Variants in DPYD observed in about 807,000 individuals in gnomAD.
The protein encoded by DPYD is dihydropyrimidine dehydrogenase [NADP(+)].
In DPYD, 109 loss-of-function variants were observed where a neutral mutation model predicts 116.2. That is an observed-to-expected ratio of 0.94 (90% CI 0.80 to 1.10). DPYD has a LOEUF of 1.10. Ranked by LOEUF, DPYD falls within the 50% of genes least tolerant of loss-of-function variation. The pLI is 0.00. For missense variants in DPYD, 1,302 were observed against 1,254.5 expected (o/e 1.04, Z -0.57); for synonymous variants, 440 against 432.0 (o/e 1.02, Z -0.23).
chr1:97,388,613 C>G (rs1672494824), intron 14 of DPYD, among the ~76,000 whole-genome samples: 1 of 151,948 alleles, frequency 6.6e-6, no homozygotes, highest in Admixed American at 6.6e-5. Context: ...AAAAACCATT[C>G]GTAACCTTTA....
chr1:97,633,180 G>C (rs756492468), intron 8 of DPYD, among the ~76,000 whole-genome samples: 6 of 152,094 alleles, frequency 3.9e-5, no homozygotes, highest in African/African-American at 1.4e-4. Context: ...TTTGGGTCAA[G>C]ATAGGATATG....
intron 8 of DPYD, among the ~76,000 whole-genome samples, chr1:97,671,733 C>T (rs956329844): frequency 2.0e-5 from 3 of 151,838 alleles, no homozygotes; most frequent in African/African-American, 7.3e-5. Context: ...TAAAAACCAA[C>T]ACCAACTCTC....
At chr1:97,221,077 G>A (rs2101892261) in intron 19 of DPYD, among the ~76,000 whole-genome samples, 1 of 152,060 alleles carries the variant, frequency 6.6e-6, no homozygotes, top group Non-Finnish European at 1.5e-5. Flanking sequence ...AAATAATTTT[G>A]GAAACTGAAG....
intron 20 of DPYD, among the ~76,000 whole-genome samples, chr1:97,177,651 T>C (rs1214114246): frequency 1.3e-5 from 2 of 151,622 alleles, no homozygotes; most frequent in Non-Finnish European, 2.9e-5. Flanking sequence ...AAAGTATGTA[T>C]ATTGTCCAAG....
At chr1:97,727,960 C>A (rs907446220) in intron 4 of DPYD, among the ~76,000 whole-genome samples, 1 of 151,770 alleles carries the variant, frequency 6.6e-6, no homozygotes, top group East Asian at 1.9e-4. Flanking sequence ...TTTATAGACA[C>A]CCCAGCAGTC....
intron 18 of DPYD, among the ~76,000 whole-genome samples, chr1:97,274,520 C>G (rs193290162): frequency 1.3e-5 from 2 of 152,130 alleles, no homozygotes; most frequent in Non-Finnish European, 2.9e-5. Context: ...AACCTGGAAA[C>G]AATTAAACCT....
rs551886088 is a variant in DPYD at position 97,355,672 on chromosome 1, T to C, written c.2058+17889A>G. Among the ~76,000 whole-genome samples the C allele has an allele frequency of 4.6e-5, 7 of 152,294 alleles. No individual in the cohort carries two copies. In the East Asian group the frequency reaches 1.4e-3, roughly 29 times the overall value. Reference sequence around the variant, plus strand: ...GTTTTAGAGTCCACATGTAAGAGAATATGCAATATTTGTCTCTCTAGGCCT... The same window carrying C: ...GTTTTAGAGTCCACATGTAAGAGAACATGCAATATTTGTCTCTCTAGGCCT... On this transcript the variant is annotated intron_variant, in intron 16 of 22. Coordinates refer to ENST00000370192, the MANE Select transcript of DPYD (RefSeq NM_000110.4).
At chr1:97,818,329 CATAA>C (rs1347491726) in intron 3 of DPYD, among the ~76,000 whole-genome samples, 5 of 151,906 alleles carry the variant, frequency 3.3e-5, no homozygotes, top group Admixed American at 6.6e-5. Context: ...TAATGTATTT[CATAA>C]ATAAATAATT....
chr1:97,506,648 T>C (rs936643284), intron 13 of DPYD, among the ~76,000 whole-genome samples: 3 of 152,068 alleles, frequency 2.0e-5, no homozygotes. Context: ...AAAAAGTCTA[T>C]TTGAGTTTCA....
chr1:97,258,687 C>A (rs1450230199), intron 18 of DPYD, among the ~76,000 whole-genome samples: 4 of 152,168 alleles, frequency 2.6e-5, no homozygotes, highest in Non-Finnish European at 5.9e-5. Context: ...CTGCATTCAG[C>A]ATTCTGGACA....
chr1:97,699,580 T>C (rs370276860), intron 5 of DPYD, 33 bp from the exon 6 acceptor site: 13 of 1,601,306 alleles, frequency 8.1e-6, no homozygotes, highest in Non-Finnish European at 1.1e-5. Flanking sequence ...GGTTAAAATT[T>C]TGAAACTAGC....
rs1665514541 is a variant in DPYD, at chr1:97,760,480, T to C, written c.234-20001A>G. Among the ~76,000 whole-genome samples the C allele has an allele frequency of 2.6e-5, 4 of 152,246 alleles. No individual in the cohort carries two copies. In the South Asian group the frequency reaches 8.3e-4, roughly 32 times the overall value. On this transcript the variant is annotated intron_variant, in intron 3 of 22. Transcript: ENST00000370192. ...TGAATTTTAAGATACAGTATAGCTA[T>C]TTATATTTGTATTTACATTTTTTAG...
chr1:97,842,297 T>C (rs1670076957), intron 2 of DPYD, among the ~76,000 whole-genome samples: 2 of 151,992 alleles, frequency 1.3e-5, no homozygotes, highest in African/African-American at 4.8e-5. Flanking sequence ...AATAATTAAA[T>C]ATTGGCTACA....
At chr1:97,357,227 T>C (rs533744842) in intron 16 of DPYD, among the ~76,000 whole-genome samples, 2 of 152,306 alleles carry the variant, frequency 1.3e-5, no homozygotes, top group African/African-American at 4.8e-5. Context: ...ATGGGTAAGT[T>C]TCTCACCTCC....
chr1:97,229,787 A>G (rs1661465991), intron 19 of DPYD, among the ~76,000 whole-genome samples: 3 of 151,882 alleles, frequency 2.0e-5, no homozygotes, highest in Admixed American at 1.3e-4. Flanking sequence ...TCATTTCTGA[A>G]GTAAAAACCT....
intron 16 of DPYD, among the ~76,000 whole-genome samples, chr1:97,353,522 C>T (rs758630570): frequency 6.6e-6 from 1 of 152,048 alleles, no homozygotes; most frequent in African/African-American, 2.4e-5. Flanking sequence ...ATATACCCTC[C>T]TTTAAGGCAG....
chr1:97,729,833 T>C (rs946766255), intron 4 of DPYD, among the ~76,000 whole-genome samples: 19 of 152,218 alleles, frequency 1.2e-4, no homozygotes, highest in Non-Finnish European at 2.6e-4. Context: ...ATGTATTCAA[T>C]TCATTATTCA....
chr1:97,214,965 C>T (rs1201482587), intron 19 of DPYD, among the ~76,000 whole-genome samples: 1 of 152,180 alleles, frequency 6.6e-6, no homozygotes, highest in Non-Finnish European at 1.5e-5. Flanking sequence ...AGCTAAGATA[C>T]ATACTAGTCA....
intron 2 of DPYD, among the ~76,000 whole-genome samples, chr1:97,880,625 A>C (rs1672162309): frequency 6.6e-6 from 1 of 151,988 alleles, no homozygotes; most frequent in Non-Finnish European, 1.5e-5. Context: ...TTACTATTTT[A>C]ACATAGATCT....
Sources: gnomAD v4.1 joint callset for allele counts (sites outside exome capture counted in the v4.1 genomes callset) on GRCh38, gnomAD v4.1.1 for gene constraint, MANE v1.5 for transcripts, NCBI Gene and HGNC (gene_info 2026-07-23, HGNC 2026-07-21) for gene names.